The following NECTIN2 variants were observed in gnomAD, a reference collection of about 807,000 sequenced individuals.
NECTIN2 encodes nectin-2.
A neutral mutation model predicts 56.9 loss-of-function variants in NECTIN2; 23 were observed. The observed-to-expected ratio is 0.40, with a 90% CI of 0.29 to 0.57. NECTIN2 has a LOEUF of 0.57. Among genes scored for constraint, NECTIN2 ranks in the 20% least tolerant of loss-of-function variants. The pLI is 0.38. For missense variants in NECTIN2, 587 were observed against 718.3 expected, an observed-to-expected ratio of 0.82 and a Z score of 2.09; for synonymous variants, 302 against 313.8, an observed-to-expected ratio of 0.96 and a Z score of 0.40.
chr19:44,862,307 C>T (rs1250363995), intron 1 of NECTIN2, among the ~76,000 whole-genome samples: 5 of 151,182 alleles, frequency 3.3e-5, no homozygotes, highest in Non-Finnish European at 7.4e-5. Context: ...CCCAGCTACT[C>T]GGGAGGCTGA....
chr19:44,846,408 A>G lies in NECTIN2; in HGVS notation c.-118A>G. On this transcript the variant is annotated 5_prime_UTR_variant, in exon 1 of 9. Coordinates refer to ENST00000252483, the MANE Select transcript of NECTIN2 (RefSeq NM_001042724.2). ...AACAGGGAGGCTAGAGCGCAGCGGG[A>G]ACCGGCCCGGAGCCGGAGCCGGAGC... The G allele has an allele frequency of 7.9e-7, 1 of 1,272,420 alleles. No individual in the cohort carries two copies. The highest frequency in any genetic ancestry group is 3.1e-5 in the East Asian group (1 of 32,030). 78.8% of individuals were successfully genotyped at this position (1,272,420 alleles called of 1,614,324 possible).
chr19:44,876,357 A>C (rs866182916), intron 5 of NECTIN2, among the ~76,000 whole-genome samples: 1 of 152,118 alleles, frequency 6.6e-6, no homozygotes, highest in South Asian at 2.1e-4. Context: ...GGTGGCTCCA[A>C]GGTCAGAGCC....
chr19:44,888,045 C>T (rs1344636617), intron 8 of NECTIN2, 65 bp from the exon 9 acceptor site: 8 of 1,541,630 alleles, frequency 5.2e-6, no homozygotes, highest in South Asian at 1.2e-5. Context: ...GGGTCAAGAG[C>T]AGATTGGTAA....
At chr19:44,870,857 G>A (rs903454181) in intron 2 of NECTIN2, among the ~76,000 whole-genome samples, 1 of 151,698 alleles carries the variant, frequency 6.6e-6, no homozygotes, top group East Asian at 1.9e-4. Context: ...AGCCTCCCGA[G>A]TACCTGGGAT....
chr19:44,878,375 G>A, intron 5 of NECTIN2: 1 of 1,554,584 alleles, frequency 6.4e-7, no homozygotes, highest in East Asian at 2.4e-5. Context: ...AGGAGCAGGA[G>A]GAGGAGCCAG....
rs1969389421 is a variant in NECTIN2 at position 44,888,832 on chromosome 19, TACC to T, written c.*454_*456del. 1 of 159,398 alleles carries T rather than the reference TACC, an allele frequency of 6.3e-6. No individual in the cohort carries two copies. The highest frequency in any genetic ancestry group is 2.4e-5 in the African/African-American group (1 of 41,638). The allele number at this position is 159,398 out of a possible 1,614,324, so 9.9% of individuals were successfully genotyped here. A position where few individuals can be genotyped will look rare whatever the true frequency, so the allele number is the denominator to read the frequency against. ...GCCCTCCAGGCAGCAGGGTCCCACT[TACC>T]CCCTCCCCACCCTGTTCCCCAAAGG... is the stretch of plus-strand genomic sequence containing the variant. On this transcript the variant is annotated 3_prime_UTR_variant, in exon 9 of 9. Coordinates refer to ENST00000252483, the MANE Select transcript of NECTIN2 (RefSeq NM_001042724.2).
rs995356574 is a variant in NECTIN2 at position 44,888,396 on chromosome 19, C to T, written c.*17C>T. 1.1e-5 allele frequency: 17 copies of T among 1,602,852 alleles called. No individual in the cohort carries two copies. Among genetic ancestry groups the T allele is most frequent in the East Asian group, 4.5e-5 (2 of 44,634 alleles). ...TATGTGTGAGCTGCCATGCGCCTGG[C>T]GTCTCACATCTCACCTGTTGATCCC... On this transcript the variant is annotated 3_prime_UTR_variant, in exon 9 of 9. Coordinates refer to ENST00000252483, the MANE Select transcript of NECTIN2 (RefSeq NM_001042724.2).
intron 5 of NECTIN2, among the ~76,000 whole-genome samples, chr19:44,877,276 T>A (rs987868607): frequency 1.1e-4 from 16 of 152,212 alleles, no homozygotes; most frequent in African/African-American, 3.1e-4. Context: ...CTGTCCCAGT[T>A]ATGCCTTGCA....
Position 44,878,425 on chromosome 19 carries a change from G to A in NECTIN2, c.1043-3786G>A, listed in dbSNP as rs144068489. On this transcript the variant is annotated intron_variant, in intron 5 of 8. Transcript: ENST00000252483. ...TCTACGATCCGAAAGCTCAGGTGTT[G>A]GGAAATGGGGACCCCGTCTTCTGGA... 568 of 1,580,974 alleles carry A rather than the reference G, an allele frequency of 3.6e-4. No individual in the cohort carries two copies. In the African/African-American group the frequency reaches 7.0e-3, roughly 19 times the overall value.
At chr19:44,870,073 G>A (rs1181697962) in intron 2 of NECTIN2, among the ~76,000 whole-genome samples, 1 of 152,184 alleles carries the variant, frequency 6.6e-6, no homozygotes, top group Non-Finnish European at 1.5e-5. Context: ...CCAAGGAATA[G>A]TTGGCCAGAG....
intron 1 of NECTIN2, among the ~76,000 whole-genome samples, chr19:44,864,836 AAAG>A (rs914845679): frequency 3.9e-5 from 6 of 152,112 alleles, no homozygotes; most frequent in African/African-American, 9.7e-5. Flanking sequence ...TCAAAAAAAA[AAAG>A]AAGAATGGCC....
Position 44,865,054 on chromosome 19 carries a change from C to T in NECTIN2, c.89-217C>T, listed in dbSNP as rs192633125. On this transcript the variant is annotated intron_variant, in intron 1 of 8. Coordinates refer to ENST00000252483, the MANE Select transcript of NECTIN2 (RefSeq NM_001042724.2). This position sits in a 1 kb window ranked among gnomAD's most constrained non-coding sequence, Gnocchi z 5.2. ...TCCAAAATCATATGTAATATGAACT[C>T]ATAGTACACGTTATAGTTGTATAAT... Among the ~76,000 whole-genome samples, 2 of 152,316 alleles carry T rather than the reference C, an allele frequency of 1.3e-5. No homozygotes were observed. Among genetic ancestry groups the T allele is most frequent in the Non-Finnish European group, 2.9e-5 (2 of 68,032 alleles).
intron 1 of NECTIN2, among the ~76,000 whole-genome samples, chr19:44,860,802 G>A (rs2122651033): frequency 6.6e-6 from 1 of 151,888 alleles, no homozygotes; most frequent in Non-Finnish European, 1.5e-5. Flanking sequence ...TGTTGGCCAG[G>A]CTGGTCTCAA....
intron 1 of NECTIN2, among the ~76,000 whole-genome samples, chr19:44,853,337 C>T (rs1968923651): frequency 6.6e-6 from 1 of 151,930 alleles, no homozygotes. Context: ...GCTGGGACTA[C>T]AGGGGCCTGC....
intron 6 of NECTIN2, among the ~76,000 whole-genome samples, chr19:44,882,679 AC>A (rs1969320572): frequency 1.1e-5 from 1 of 89,718 alleles, no homozygotes; most frequent in Non-Finnish European, 2.1e-5. Flanking sequence ...TAGGAAGACT[AC>A]CCCCATCTAC....
At chr19:44,850,742 C>T (rs867822763) in intron 1 of NECTIN2, among the ~76,000 whole-genome samples, 2 of 152,142 alleles carry the variant, frequency 1.3e-5, no homozygotes, top group African/African-American at 2.4e-5. Flanking sequence ...CTGCTGCAGC[C>T]GCTGCTCACT....
chr19:44,846,493 T>A lies in NECTIN2; in HGVS notation c.-33T>A. ...GCCCCCACAGAGTGGCCCGCGGGCC[T>A]CCGGCCGGGCCCAGTCCCCTCCCGG... is the stretch of plus-strand genomic sequence containing the variant. On this transcript the variant is annotated 5_prime_UTR_variant, in exon 1 of 9. Transcript: ENST00000252483. 1 of 1,429,822 alleles carries A rather than the reference T, an allele frequency of 7.0e-7. No individual in the cohort carries two copies. Among genetic ancestry groups the A allele is most frequent in the Non-Finnish European group, 9.1e-7 (1 of 1,102,024 alleles). The allele number at this position is 1,429,822 out of a possible 1,614,324, so 88.6% of individuals were successfully genotyped here.
chr19:44,884,481 C>G (rs1331067940), intron 6 of NECTIN2, among the ~76,000 whole-genome samples: 1 of 152,174 alleles, frequency 6.6e-6, no homozygotes, highest in Non-Finnish European at 1.5e-5. Context: ...CACAAGCTCT[C>G]TAAGTTTTTC....
chr19:44,856,525 C>G (rs1167894401), intron 1 of NECTIN2, among the ~76,000 whole-genome samples: 4 of 152,156 alleles, frequency 2.6e-5, no homozygotes, highest in Admixed American at 6.6e-5. Context: ...CTAACTTCCT[C>G]GGCCCCAGCC....
Sources: allele counts gnomAD v4.1 joint callset (sites outside exome capture counted in the v4.1 genomes callset), GRCh38; gene constraint gnomAD v4.1.1; non-coding constraint Gnocchi (gnomAD v3.1); transcripts MANE v1.5; gene names NCBI Gene and HGNC (gene_info 2026-07-23, HGNC 2026-07-21).